The following ICE1 variants were observed in gnomAD, a reference collection of about 807,000 sequenced individuals.
The protein encoded by ICE1 is interactor of little elongation complex ELL subunit 1.
In ICE1, 64 loss-of-function variants were observed where a neutral mutation model predicts 192.7. The ratio of observed to expected loss-of-function variants is 0.33; its 90% CI spans 0.27 to 0.41. The LOEUF (loss-of-function observed/expected upper bound fraction) is 0.41, where lower values mean the gene tolerates loss of function less well. Among genes scored for constraint, ICE1 ranks in the 10% least tolerant of loss-of-function variants. The pLI is 1.00. For missense variants in ICE1, 2,708 were observed against 2,696.0 expected (o/e 1.00, Z -0.10); for synonymous variants, 1,010 against 984.5 (o/e 1.03, Z -0.49).
chr5:5,428,929 T>A (rs1737612519), intron 1 of ICE1, among the ~76,000 whole-genome samples: 1 of 152,212 alleles, frequency 6.6e-6, no homozygotes, highest in Admixed American at 6.5e-5. Context: ...TTGGAGTCCC[T>A]AAGACCATGC....
At chr5:5,424,691 T>C (rs935160842) in intron 1 of ICE1, among the ~76,000 whole-genome samples, 1 of 152,130 alleles carries the variant, frequency 6.6e-6, no homozygotes, top group Non-Finnish European at 1.5e-5. Context: ...CTGTTGGAAT[T>C]TAAGTAGGGA....
At chr5:5,472,249 G>A (rs894475010) in intron 15 of ICE1, among the ~76,000 whole-genome samples, 3 of 152,118 alleles carry the variant, frequency 2.0e-5, no homozygotes, top group Admixed American at 2.0e-4. Flanking sequence ...AGCAACTCTT[G>A]AATGTAGAAC....
In ICE1 at chr5:5,460,649, A is replaced by G; in HGVS notation, c.1315A>G (p.Thr439Ala). Residue 439 changes from threonine to alanine, a missense_variant, in exon 13 of 19, where the codon ACT becomes GCT. Transcript: ENST00000296564. ...LNTWEVNKVT[T>A]SGLETFTATL... The stretch of plus-strand genomic sequence containing the variant: ...TACATGGGAAGTAAATAAAGTGACA[A>G]CTTCTGGACTCGAGACTTTCACAGC... 1.2e-6 allele frequency: 2 copies of G among 1,613,916 alleles called. No individual in the cohort carries two copies. The highest frequency in any genetic ancestry group is 2.2e-5 in the East Asian group (1 of 44,886).
In ICE1 at chr5:5,423,012, C is replaced by T. The variant is rs1737357629; in HGVS notation, c.84+13C>T. On this transcript the variant is annotated intron_variant, in intron 1 of 18. Coordinates refer to ENST00000296564, the MANE Select transcript of ICE1 (RefSeq NM_015325.3). Reference sequence around the variant, plus strand: ...CTCTCTGCAGCAGGTGCAGCACCTCCCGGGGCCCCGGGCGCGGGGGGGGAC... The same window carrying T: ...CTCTCTGCAGCAGGTGCAGCACCTCTCGGGGCCCCGGGCGCGGGGGGGGAC... 2 of 1,371,288 alleles carry T rather than the reference C, an allele frequency of 1.5e-6. No homozygotes were observed. Among genetic ancestry groups the T allele is most frequent in the South Asian group, 1.6e-5 (1 of 61,538 alleles). 84.9% of individuals were successfully genotyped at this position (1,371,288 alleles called of 1,614,324 possible).
rs564646438 is a variant in ICE1 at position 5,462,469 on chromosome 5, T to C, written c.3135T>C (p.Ala1045=). Residue 1045 remains alanine, a synonymous_variant, in exon 13 of 19, where the codon GCT becomes GCC. Coordinates refer to ENST00000296564, the MANE Select transcript of ICE1 (RefSeq NM_015325.3). ...ATTCTACCAGCACACCACAAAATGC[T>C]AATGGACTTTGGAAATTGAAATCTA... ...ANDSTSTPQN[A]NGLWKLKSTT... is the part of the protein sequence containing the mutation. 6 of 1,614,008 alleles carry C rather than the reference T, an allele frequency of 3.7e-6. No homozygotes were observed. The Admixed American group carries it at 6.7e-5, about 18-fold the overall frequency.
At chr5:5,427,795 A>G (rs1737569066) in intron 1 of ICE1, among the ~76,000 whole-genome samples, 1 of 152,218 alleles carries the variant, frequency 6.6e-6, no homozygotes, top group Non-Finnish European at 1.5e-5. Flanking sequence ...GTTTCAGAAT[A>G]CAATGATGAA....
chr5:5,482,489 A>C (rs1029134005), intron 17 of ICE1, among the ~76,000 whole-genome samples: 1 of 152,238 alleles, frequency 6.6e-6, no homozygotes, highest in East Asian at 1.9e-4. Context: ...AGGTCTGCTG[A>C]TGAAGTCGTG....
Position 5,464,719 on chromosome 5 carries a change from A to T in ICE1, c.5385A>T (p.Gly1795=), listed in dbSNP as rs767258584. Residue 1795 remains glycine (G), a synonymous_variant, in exon 13 of 19, where the codon GGA becomes GGT. Transcript: ENST00000296564. This position sits in a 1 kb window ranked among gnomAD's most constrained non-coding sequence, Gnocchi z 4.0. ...NLPGPASAMI[G]FKTITSAATA... is the part of the protein sequence containing the mutation. ...CGGGACCTGCCAGTGCTATGATAGG[A>T]TTCAAAACGATCACTTCAGCAGCAA... 42 of 1,613,834 alleles carry T rather than the reference A, an allele frequency of 2.6e-5. No homozygotes were observed. The highest frequency in any genetic ancestry group is 3.6e-5 in the Non-Finnish European group (42 of 1,179,884).
At chr5:5,456,691 C>T (rs1314304576) in intron 11 of ICE1, among the ~76,000 whole-genome samples, 1 of 151,968 alleles carries the variant, frequency 6.6e-6, no homozygotes, top group Admixed American at 6.6e-5. Flanking sequence ...AGCCCTGGAT[C>T]CTCTATAAAA....
intron 1 of ICE1, among the ~76,000 whole-genome samples, chr5:5,424,286 G>T (rs1273961826): frequency 6.6e-6 from 1 of 152,120 alleles, no homozygotes; most frequent in Non-Finnish European, 1.5e-5. Context: ...GGAAGGGGAG[G>T]AAGGAAATGT....
rs1202720585 is a variant in ICE1 at position 5,461,978 on chromosome 5, A to G, written c.2644A>G (p.Arg882Gly). 1.2e-6 allele frequency: 2 copies of G among 1,614,012 alleles called. No individual in the cohort carries two copies. Among genetic ancestry groups the G allele is most frequent in the Non-Finnish European group, 1.7e-6 (2 of 1,179,906 alleles). Residue 882 changes from arginine (R) to glycine (G), a missense_variant, in exon 13 of 19, where the codon AGG (arginine) becomes GGG (glycine). Around this residue, in one of 2 missense-constraint regions of ICE1, gnomAD observed 2,366 missense variants for 2,276.6 expected, o/e 1.04. Transcript: ENST00000296564. ...SAKLEHLRPH[R>G]VEPTLVTENS... Reference sequence around the variant, plus strand: ...CAAATTGGAACACTTGAGGCCACATAGGGTTGAGCCTACCTTAGTAACAGA... The same window carrying G: ...CAAATTGGAACACTTGAGGCCACATGGGGTTGAGCCTACCTTAGTAACAGA...
intron 15 of ICE1, among the ~76,000 whole-genome samples, chr5:5,471,012 A>G (rs1211081050): frequency 6.6e-6 from 1 of 152,220 alleles, no homozygotes; most frequent in Non-Finnish European, 1.5e-5. Context: ...GAAATATGAC[A>G]AGGGAACCAG....
Position 5,461,413 on chromosome 5 carries a change from T to C in ICE1, c.2079T>C (p.Ser693=), listed in dbSNP as rs1579563258. ...LHLQSEPPEC[S]IGGNNLENSL... is the part of the protein sequence containing the mutation. ...TGCAGTCTGAGCCACCGGAGTGTTC[T>C]ATAGGAGGAAACAACTTGGAGAATA... Residue 693 remains serine (S), a synonymous_variant, in exon 13 of 19, where the codon TCT becomes TCC. Coordinates refer to ENST00000296564, the MANE Select transcript of ICE1 (RefSeq NM_015325.3). The C allele has an allele frequency of 1.2e-6, 2 of 1,613,914 alleles. No homozygotes were observed. Among genetic ancestry groups the C allele is most frequent in the African/African-American group, 2.7e-5 (2 of 74,950 alleles).
chr5:5,461,456 C>T lies in ICE1; in HGVS notation c.2122C>T (p.Pro708Ser). ...NLENSLCALS[P>S]ELGASNFNDQ... Reference sequence around the variant, plus strand: ...GGAGAATAGCTTGTGTGCCTTGAGCCCTGAATTGGGAGCATCTAATTTTAA... The same window carrying T: ...GGAGAATAGCTTGTGTGCCTTGAGCTCTGAATTGGGAGCATCTAATTTTAA... Residue 708 changes from proline to serine, a missense_variant, in exon 13 of 19, where the codon CCT (proline) becomes TCT (serine). Around this residue, in one of 2 missense-constraint regions of ICE1, gnomAD observed 2,366 missense variants for 2,276.6 expected, o/e 1.04. Coordinates refer to ENST00000296564, the MANE Select transcript of ICE1 (RefSeq NM_015325.3). The T allele has an allele frequency of 6.2e-7, 1 of 1,613,900 alleles. No homozygotes were observed. The highest frequency in any genetic ancestry group is 8.5e-7 in the Non-Finnish European group (1 of 1,179,888).
Position 5,463,934 on chromosome 5 carries a change from A to G in ICE1, c.4600A>G (p.Ile1534Val). The stretch of plus-strand genomic sequence containing the variant: ...CTATGATCAAAACTTCGAGACTCAG[A>G]TTGTTGCGTCTGATCACACATATTA... The part of the protein sequence containing the change: ...QIYDQNFETQ[I>V]VASDHTYYNS... The change falls in exon 13 of 19, where the codon ATT becomes GTT. Residue 1534 changes from isoleucine to valine, a missense_variant. By Grantham distance (29) the Ile-to-Val change is conservative (BLOSUM62 3). This residue lies in a region of ICE1 where 2,366 missense variants were observed against 2,276.6 expected (regional missense o/e 1.04). Coordinates refer to ENST00000296564, the MANE Select transcript of ICE1 (RefSeq NM_015325.3). 6.2e-7 allele frequency: 1 copy of G among 1,613,980 alleles called. No individual in the cohort carries two copies. The highest frequency in any genetic ancestry group is 2.2e-5 in the East Asian group (1 of 44,882).
intron 15 of ICE1, among the ~76,000 whole-genome samples, chr5:5,472,474 AAT>A (rs2111395669): frequency 6.6e-6 from 1 of 152,324 alleles, no homozygotes; most frequent in Non-Finnish European, 1.5e-5. Context: ...CAAAAAAGTG[AAT>A]ATATGGATTT....
chr5:5,474,575 A>G (rs2098138504), intron 16 of ICE1, among the ~76,000 whole-genome samples: 1 of 152,240 alleles, frequency 6.6e-6, no homozygotes, highest in Non-Finnish European at 1.5e-5. Context: ...TATGTAGTAA[A>G]TTAACTTTTC....
Position 5,461,700 on chromosome 5 carries a change from C to T in ICE1, c.2366C>T (p.Thr789Ile), listed in dbSNP as rs1252759460. The T allele has an allele frequency of 3.1e-6, 5 of 1,613,692 alleles. No homozygotes were observed. Among genetic ancestry groups the T allele is most frequent in the Non-Finnish European group, 4.2e-6 (5 of 1,179,844 alleles). ...IKSGLGFVKSTSWHHSDLLRK... is the reference protein window; with the variant it reads ...IKSGLGFVKSISWHHSDLLRK... ...AGTGGTTTGGGTTTTGTTAAAAGTA[C>T]TTCATGGCACCATAGTGATTTATTA... Residue 789 changes from threonine to isoleucine, a missense_variant, in exon 13 of 19, where the codon ACT becomes ATT. Coordinates refer to ENST00000296564, the MANE Select transcript of ICE1 (RefSeq NM_015325.3).
At position 5,462,461 on chromosome 5, in the gene ICE1, C is replaced by A; in HGVS notation, c.3127C>A (p.Gln1043Lys). The A allele has an allele frequency of 6.2e-7, 1 of 1,613,998 alleles. No individual in the cohort carries two copies. Among genetic ancestry groups the A allele is most frequent in the Non-Finnish European group, 8.5e-7 (1 of 1,179,884 alleles). The change falls in exon 13 of 19, where the codon CAA becomes AAA. Residue 1043 changes from glutamine to lysine, a missense_variant. Coordinates refer to ENST00000296564, the MANE Select transcript of ICE1 (RefSeq NM_015325.3). ...TGCAAATGATTCTACCAGCACACCA[C>A]AAAATGCTAATGGACTTTGGAAATT... ...AVANDSTSTP[Q>K]NANGLWKLKS... is the part of the protein sequence containing the mutation.
Sources: allele counts gnomAD v4.1 joint callset (sites outside exome capture counted in the v4.1 genomes callset), GRCh38; gene constraint gnomAD v4.1.1; regional missense constraint gnomAD v4.1.1; non-coding constraint Gnocchi (gnomAD v3.1); transcripts MANE v1.5; gene names NCBI Gene and HGNC (gene_info 2026-07-23, HGNC 2026-07-21).